The following TASP1 variants were observed in gnomAD, a reference collection of about 807,000 sequenced individuals.
TASP1 encodes the protein taspase 1.
Under a neutral mutation model 56.6 loss-of-function variants are expected in TASP1, and 16 were observed. The ratio of observed to expected loss-of-function variants is 0.28; its 90% CI spans 0.19 to 0.43. TASP1 has a LOEUF of 0.43. TASP1 is among the 20% of genes least tolerant of loss of function. TASP1 has a pLI of 1.00. For synonymous variants in TASP1, 179 were observed against 184.2 expected (o/e 0.97, Z 0.23); for missense variants, 393 against 511.6 (o/e 0.77, Z 2.24).
the TASP1 span, chr20:13,299,607 G>A: frequency 5.2e-5 from 41 of 794,338 alleles, no homozygotes; most frequent in African/African-American, 8.6e-5. This position sits in a 1 kb window ranked among gnomAD's most constrained non-coding sequence, Gnocchi z 5.8. Flanking sequence ...ATTACGCTAG[G>A]GGCGTGTGCC....
chr20:13,629,848 T>C, intron 2 of TASP1, 86 bp downstream of exon 2: 1 of 1,586,362 alleles, frequency 6.3e-7, no homozygotes. Flanking sequence ...CTCCTCCAAG[T>C]GTGAAATGTG....
chr20:13,311,985 T>G, the TASP1 span, among the ~76,000 whole-genome samples: 2 of 152,206 alleles, frequency 1.3e-5, no homozygotes, highest in Admixed American at 6.5e-5. Context: ...TAGCTTAATT[T>G]TCCCACAATG....
At chr20:13,361,600 G>A in the TASP1 span, among the ~76,000 whole-genome samples, 11 of 152,102 alleles carry the variant, frequency 7.2e-5, no homozygotes, top group South Asian at 8.3e-4. Flanking sequence ...CTGTATAGAC[G>A]CCTTTTTATT....
chr20:13,332,059 T>C, the TASP1 span, among the ~76,000 whole-genome samples: 1 of 152,176 alleles, frequency 6.6e-6, no homozygotes, highest in Non-Finnish European at 1.5e-5. Flanking sequence ...ACTTCTTTCC[T>C]TGGGCCATGG....
At chr20:13,307,477 G>A in the TASP1 span, among the ~76,000 whole-genome samples, 1 of 152,182 alleles carries the variant, frequency 6.6e-6, no homozygotes, top group South Asian at 2.1e-4. Flanking sequence ...TGGTTTGATT[G>A]TCAAAACTCA....
chr20:13,471,312 T>C (rs1162652784), intron 11 of TASP1, among the ~76,000 whole-genome samples: 1 of 152,126 alleles, frequency 6.6e-6, no homozygotes, highest in African/African-American at 2.4e-5. Context: ...AACTCCCCTC[T>C]CAAAGTCTAG....
At chr20:13,433,455 T>TA (rs1317934726) in intron 12 of TASP1, among the ~76,000 whole-genome samples, 2 of 143,502 alleles carry the variant, frequency 1.4e-5, no homozygotes, top group Admixed American at 7.2e-5. Context: ...ACATGACTGT[T>TA]AAAAAGCACA....
At chr20:13,581,497 C>T (rs962527756) in intron 5 of TASP1, among the ~76,000 whole-genome samples, 1 of 152,122 alleles carries the variant, frequency 6.6e-6, no homozygotes, top group African/African-American at 2.4e-5. Flanking sequence ...ACAAGAGAGA[C>T]AGAACGGGGA....
chr20:13,248,373 T>G, the TASP1 span, among the ~76,000 whole-genome samples: 1 of 152,136 alleles, frequency 6.6e-6, no homozygotes, highest in Admixed American at 6.5e-5. Context: ...AATTTGATAT[T>G]CTTTTGAAAA....
chr20:13,224,674 T>C, the TASP1 span, among the ~76,000 whole-genome samples: 1 of 152,064 alleles, frequency 6.6e-6, no homozygotes, highest in East Asian at 1.9e-4. Flanking sequence ...ACCTGAATTG[T>C]AGTATGTTTG....
At chr20:13,316,398 T>TCA in the TASP1 span, among the ~76,000 whole-genome samples, 1 of 151,980 alleles carries the variant, frequency 6.6e-6, no homozygotes, top group Non-Finnish European at 1.5e-5. Flanking sequence ...CTACAATATC[T>TCA]TTCAGAAAAT....
At chr20:13,202,405 A>G in the TASP1 span, among the ~76,000 whole-genome samples, 1 of 152,246 alleles carries the variant, frequency 6.6e-6, no homozygotes, top group African/African-American at 2.4e-5. Flanking sequence ...TTTGCTTGTA[A>G]TATCATATCT....
At chr20:13,577,273 G>A (rs895366538) in intron 6 of TASP1, among the ~76,000 whole-genome samples, 3 of 152,150 alleles carry the variant, frequency 2.0e-5, no homozygotes, top group Admixed American at 2.0e-4. Flanking sequence ...TAAATTGGCA[G>A]AGTTTAGTCT....
At position 13,389,583 on chromosome 20, in the gene TASP1, A is replaced by G. The variant is rs1410208673; in HGVS notation, c.*777T>C. The G allele has an allele frequency of 6.6e-6, 1 of 152,654 alleles. No homozygotes were observed. The highest frequency in any genetic ancestry group is 1.5e-5 in the Non-Finnish European group (1 of 68,040). 9.5% of individuals were successfully genotyped at this position (152,654 alleles called of 1,614,324 possible). ...TATTGTAAATAACTTTCCATTATAC[A>G]CAAATTAAGGACTGTGCATTACTGT... On this transcript the variant is annotated 3_prime_UTR_variant, in exon 14 of 14. Transcript: ENST00000337743.
At chr20:13,241,165 T>C in the TASP1 span, among the ~76,000 whole-genome samples, 1 of 152,072 alleles carries the variant, frequency 6.6e-6, no homozygotes, top group African/African-American at 2.4e-5. Context: ...ACTGGTGACC[T>C]GAATGAGGTC....
chr20:13,607,534 C>G (rs2295502), intron 4 of TASP1, among the ~76,000 whole-genome samples: 22,373 of 152,186 alleles, frequency 0.15, 2,088 homozygotes, highest in South Asian at 0.35. Context: ...AAAAACTAGA[C>G]TGGCACATTA....
At chr20:13,493,832 T>C (rs963262605) in intron 10 of TASP1, among the ~76,000 whole-genome samples, 1 of 152,206 alleles carries the variant, frequency 6.6e-6, no homozygotes, top group African/African-American at 2.4e-5. Context: ...TGAGTGTTAA[T>C]ACAGGAGATA....
chr20:13,465,910 G>T (rs986009153), intron 11 of TASP1, among the ~76,000 whole-genome samples: 22 of 152,060 alleles, frequency 1.4e-4, no homozygotes, highest in African/African-American at 5.3e-4. Context: ...ATGATTAAGG[G>T]GTTCTGTATC....
At chr20:13,134,445 A>G in the TASP1 span, among the ~76,000 whole-genome samples, 2 of 152,200 alleles carry the variant, frequency 1.3e-5, no homozygotes, top group Middle Eastern at 3.2e-3. Context: ...GCATGTCCCC[A>G]GTCATCATTT....
Sources: allele counts gnomAD v4.1 joint callset (sites outside exome capture counted in the v4.1 genomes callset), GRCh38; gene constraint gnomAD v4.1.1; non-coding constraint Gnocchi (gnomAD v3.1); transcripts MANE v1.5; gene names NCBI Gene and HGNC (gene_info 2026-07-23, HGNC 2026-07-21).